PTPRR: variants seen among roughly 807,000 people sequenced by gnomAD.
PTPRR encodes the protein protein tyrosine phosphatase receptor type R.
A neutral mutation model predicts 77.2 loss-of-function variants in PTPRR; 38 were observed. The observed-to-expected ratio is 0.49, with a 90% CI of 0.38 to 0.65. PTPRR has a LOEUF of 0.65. PTPRR is among the 30% of genes least tolerant of loss of function. The pLI is 0.00. For missense variants in PTPRR, 744 were observed against 799.2 expected, an observed-to-expected ratio of 0.93 and a Z score of 0.83; for synonymous variants, 299 against 283.1, an observed-to-expected ratio of 1.06 and a Z score of -0.57.
At chr12:70,650,838 C>T (rs928837243) in intron 13 of PTPRR, among the ~76,000 whole-genome samples, 1 of 152,182 alleles carries the variant, frequency 6.6e-6, no homozygotes, top group Non-Finnish European at 1.5e-5. Context: ...CAAACTAATA[C>T]AAACACTCAT....
chr12:70,868,115 ACATAG>A (rs1198099058), intron 2 of PTPRR, among the ~76,000 whole-genome samples: 21 of 152,288 alleles, frequency 1.4e-4, no homozygotes, highest in African/African-American at 5.1e-4. Flanking sequence ...ACCATTCACG[ACATAG>A]GCATGAGCAA....
chr12:70,795,115 A>G (rs183365753), intron 2 of PTPRR, among the ~76,000 whole-genome samples: 49 of 152,228 alleles, frequency 3.2e-4, no homozygotes, highest in African/African-American at 1.1e-3. Context: ...TTTTTTTAAA[A>G]TCCTTTTGGG....
chr12:70,841,024 T>A (rs1435711451), intron 2 of PTPRR, among the ~76,000 whole-genome samples: 2 of 145,414 alleles, frequency 1.4e-5, no homozygotes, highest in Non-Finnish European at 3.0e-5. Context: ...AAAACAGCCC[T>A]GCAACCAAGT....
At chr12:70,769,959 TA>T (rs1051422895) in intron 2 of PTPRR, among the ~76,000 whole-genome samples, 6 of 152,038 alleles carry the variant, frequency 3.9e-5, no homozygotes, top group African/African-American at 1.5e-4. Context: ...TAGCCATATG[TA>T]GAAAGCTGAA....
At chr12:70,668,763 C>T (rs1372675410) in intron 10 of PTPRR, among the ~76,000 whole-genome samples, 1 of 152,040 alleles carries the variant, frequency 6.6e-6, no homozygotes, top group Non-Finnish European at 1.5e-5. Flanking sequence ...AGGCAATGTA[C>T]TCCATTAATG....
chr12:70,683,312 C>T (rs775309584), intron 10 of PTPRR, among the ~76,000 whole-genome samples: 38 of 152,086 alleles, frequency 2.5e-4, no homozygotes, highest in Non-Finnish European at 4.4e-4. Flanking sequence ...AAAATGAAAG[C>T]GGTACCTCGG....
At chr12:70,718,636 G>GTT (rs1375614481) in intron 6 of PTPRR, among the ~76,000 whole-genome samples, 12 of 152,180 alleles carry the variant, frequency 7.9e-5, no homozygotes, top group African/African-American at 2.7e-4. Context: ...TTGGTGGAAT[G>GTT]TTTTAAAGAG....
intron 6 of PTPRR, among the ~76,000 whole-genome samples, chr12:70,737,589 A>G (rs569935738): frequency 6.2e-4 from 95 of 152,126 alleles, no homozygotes; most frequent in South Asian, 1.7e-3. Context: ...GGTGTGACAC[A>G]GCTCACTGCA....
At chr12:70,757,304 G>C (rs1439707171) in intron 4 of PTPRR, among the ~76,000 whole-genome samples, 2 of 152,118 alleles carry the variant, frequency 1.3e-5, no homozygotes, top group African/African-American at 4.8e-5. Context: ...TTGGAAACTG[G>C]AGTAATTTGC....
chr12:70,727,332 T>C (rs1033559696), intron 6 of PTPRR, among the ~76,000 whole-genome samples: 21 of 152,212 alleles, frequency 1.4e-4, no homozygotes, highest in African/African-American at 4.8e-4. Flanking sequence ...TGGGAAACTA[T>C]AGTAGTTTCC....
At chr12:70,686,324 A>G (rs1226364713) in intron 8 of PTPRR, among the ~76,000 whole-genome samples, 2 of 152,222 alleles carry the variant, frequency 1.3e-5, no homozygotes, top group African/African-American at 4.8e-5. Flanking sequence ...ATAATTAAAA[A>G]TTTAACAGGA....
intron 13 of PTPRR, among the ~76,000 whole-genome samples, chr12:70,643,042 T>A (rs976315838): frequency 6.6e-6 from 1 of 152,178 alleles, no homozygotes; most frequent in African/African-American, 2.4e-5. Context: ...TGGTGGTATA[T>A]GCCTGTGGTC....
At chr12:70,876,179 T>C (rs767769137) in intron 2 of PTPRR, among the ~76,000 whole-genome samples, 16 of 151,844 alleles carry the variant, frequency 1.1e-4, no homozygotes, top group Non-Finnish European at 1.9e-4. Context: ...GACATATATA[T>C]GTAAATGGAA....
intron 2 of PTPRR, among the ~76,000 whole-genome samples, chr12:70,815,573 G>A (rs2137034895): frequency 6.6e-6 from 1 of 152,286 alleles, no homozygotes; most frequent in East Asian, 1.9e-4. Flanking sequence ...AATATAAGGA[G>A]GGTGAGGAAA....
At chr12:70,709,269 A>G (rs2136808300) in intron 6 of PTPRR, among the ~76,000 whole-genome samples, 1 of 152,232 alleles carries the variant, frequency 6.6e-6, no homozygotes, top group African/African-American at 2.4e-5. Flanking sequence ...TTCAACATCC[A>G]TTCATGTTAA....
intron 1 of PTPRR, among the ~76,000 whole-genome samples, chr12:70,905,057 A>G (rs1893600198): frequency 6.7e-6 from 1 of 148,888 alleles, no homozygotes; most frequent in African/African-American, 2.5e-5. Flanking sequence ...AGCTGGAATA[A>G]TTAGTAGACT....
intron 2 of PTPRR, among the ~76,000 whole-genome samples, chr12:70,799,591 A>G (rs922329598): frequency 2.3e-4 from 35 of 152,202 alleles, no homozygotes; most frequent in Admixed American, 1.8e-3. Flanking sequence ...ATATTTTCAC[A>G]TAGATATGTG....
At chr12:70,915,454 T>C (rs934857334) in intron 1 of PTPRR, among the ~76,000 whole-genome samples, 5 of 152,232 alleles carry the variant, frequency 3.3e-5, no homozygotes, top group African/African-American at 1.2e-4. Flanking sequence ...CATATTCCTG[T>C]GTCTCTTAAG....
intron 2 of PTPRR, among the ~76,000 whole-genome samples, chr12:70,787,557 A>AAAATCACT (rs906227923): frequency 6.6e-6 from 1 of 152,094 alleles, no homozygotes; most frequent in Admixed American, 6.6e-5. Context: ...ACATTACAAG[A>AAAATCACT]AAATCACTAA....
Sources: allele counts gnomAD v4.1 joint callset (sites outside exome capture counted in the v4.1 genomes callset), GRCh38; gene constraint gnomAD v4.1.1; transcripts MANE v1.5; gene names NCBI Gene and HGNC (gene_info 2026-07-23, HGNC 2026-07-21).